The following XKR4 variants were observed in gnomAD, a reference collection of about 807,000 sequenced individuals.
The protein encoded by XKR4 is XK related 4, also known as XK-related protein 4.
A neutral mutation model predicts 53.9 loss-of-function variants in XKR4; 12 were observed. The observed-to-expected ratio is 0.22, with a 90% CI of 0.14 to 0.36. The LOEUF is 0.36. Among genes scored for constraint, XKR4 ranks in the 10% least tolerant of loss-of-function variants. XKR4 has a pLI of 1.00. For missense variants in XKR4, 799 were observed against 859.5 expected (o/e 0.93, Z 0.88); for synonymous variants, 354 against 362.4 (o/e 0.98, Z 0.26).
intron 2 of XKR4, among the ~76,000 whole-genome samples, chr8:55,394,529 G>C (rs1400630030): frequency 6.6e-6 from 1 of 152,114 alleles, no homozygotes; most frequent in Non-Finnish European, 1.5e-5. Context: ...CTGATTCATA[G>C]AACAAATAAT....
chr8:55,109,098 AT>A (rs1364131590), intron 1 of XKR4, among the ~76,000 whole-genome samples: 1 of 152,118 alleles, frequency 6.6e-6, no homozygotes, highest in African/African-American at 2.4e-5. Context: ...ATAGGAAGAG[AT>A]TTTGAATTGA....
chr8:55,249,769 G>C (rs977299189), intron 1 of XKR4, among the ~76,000 whole-genome samples: 2 of 152,160 alleles, frequency 1.3e-5, no homozygotes, highest in African/African-American at 4.8e-5. Flanking sequence ...TCTTATTTAG[G>C]ATTGTCTAGT....
intron 2 of XKR4, among the ~76,000 whole-genome samples, chr8:55,471,465 G>A (rs547141463): frequency 6.6e-6 from 1 of 152,176 alleles, no homozygotes; most frequent in Admixed American, 6.5e-5. Flanking sequence ...TCGGAGTTGG[G>A]GCCCGGCCAT....
Position 55,204,746 on chromosome 8 carries a change from TA to T in XKR4, c.806+101454del, listed in dbSNP as rs560674704. Reference sequence around the variant, plus strand: ...ATTTTGAGCTGGAATTTCAAACATATAACTTCTCATCCCTGAGAATAATTTA... The same window carrying T: ...ATTTTGAGCTGGAATTTCAAACATATACTTCTCATCCCTGAGAATAATTTA... On this transcript the variant is annotated intron_variant, in intron 1 of 2. Transcript: ENST00000327381. Among the ~76,000 whole-genome samples, 389 of 152,360 alleles carry T rather than the reference TA, an allele frequency of 2.6e-3. 3 individuals carry two copies. The highest frequency in any genetic ancestry group is 8.7e-3 in the African/African-American group (363 of 41,578).
At chr8:55,450,035 T>C (rs1247841569) in intron 2 of XKR4, 3 of 784,212 alleles carry the variant, frequency 3.8e-6, no homozygotes, top group Non-Finnish European at 6.7e-6. Flanking sequence ...AGGAGGGAGC[T>C]AGGGGTGCCA....
At chr8:55,470,986 A>ATAAAG (rs1805872806) in intron 2 of XKR4, among the ~76,000 whole-genome samples, 1 of 152,186 alleles carries the variant, frequency 6.6e-6, no homozygotes, top group Non-Finnish European at 1.5e-5. Context: ...GACATTTTAA[A>ATAAAG]TAAAGAAGAA....
At chr8:55,430,900 A>G (rs1805094211) in intron 2 of XKR4, among the ~76,000 whole-genome samples, 2 of 152,200 alleles carry the variant, frequency 1.3e-5, no homozygotes. Context: ...TCAGGCTTCA[A>G]ATAGAGTCAC....
intron 2 of XKR4, among the ~76,000 whole-genome samples, chr8:55,513,489 G>GCCTGAA (rs1387273149): frequency 6.6e-6 from 1 of 152,218 alleles, no homozygotes; most frequent in African/African-American, 2.4e-5. Context: ...CAGAGGACCA[G>GCCTGAA]CCTGAACCTA....
At chr8:55,453,277 G>A (rs1040557646) in intron 2 of XKR4, 3 of 488,360 alleles carry the variant, frequency 6.1e-6, no homozygotes, top group Non-Finnish European at 1.3e-5. Context: ...CCAGAGAAGT[G>A]CAGTCCTGCA....
chr8:55,235,527 TAGTA>T (rs147776487), intron 1 of XKR4, among the ~76,000 whole-genome samples: 10,519 of 152,292 alleles, frequency 0.069, 493 homozygotes, highest in Middle Eastern at 0.15. Context: ...ACTATTGTAT[TAGTA>T]AGTTAAAAGA....
chr8:55,248,927 C>T (rs568625469), intron 1 of XKR4, among the ~76,000 whole-genome samples: 16 of 152,106 alleles, frequency 1.1e-4, no homozygotes, highest in Non-Finnish European at 2.1e-4. Context: ...CTTCTGGGAC[C>T]TTGATTTGGC....
chr8:55,361,287 G>A (rs140292882), intron 2 of XKR4, among the ~76,000 whole-genome samples: 4 of 152,232 alleles, frequency 2.6e-5, no homozygotes, highest in African/African-American at 9.6e-5. Context: ...GACGTTGAGA[G>A]GGGGAGAGGA....
intron 1 of XKR4, among the ~76,000 whole-genome samples, chr8:55,208,742 G>T (rs1817683406): frequency 6.6e-6 from 1 of 152,158 alleles, no homozygotes. Flanking sequence ...TAGGATTACA[G>T]GCATGAGCCA....
chr8:55,276,114 C>A (rs368223445), intron 1 of XKR4, among the ~76,000 whole-genome samples: 2 of 152,204 alleles, frequency 1.3e-5, no homozygotes, highest in Admixed American at 1.3e-4. Context: ...AGACTGAAAT[C>A]GTTATACACA....
chr8:55,211,075 A>C (rs1331108354), intron 1 of XKR4, among the ~76,000 whole-genome samples: 3 of 152,124 alleles, frequency 2.0e-5, no homozygotes, highest in African/African-American at 7.2e-5. Flanking sequence ...CTGTGCCTGC[A>C]ACTTGATTTT....
intron 1 of XKR4, among the ~76,000 whole-genome samples, chr8:55,251,382 T>A (rs4737280): frequency 0.76 from 115,935 of 152,170 alleles, 47,446 homozygotes; most frequent in Non-Finnish European, 0.92. Flanking sequence ...TTTAGAGGAG[T>A]TGCTGAATTT....
Position 55,167,129 on chromosome 8 carries a change from C to G in XKR4, c.806+63835C>G, listed in dbSNP as rs557724200. ...CTGGATGTGGGAAGTGGAAGGAAGA[C>G]AGTTGAATTGGGATGATGCCATGGC... On this transcript the variant is annotated intron_variant, in intron 1 of 2. Coordinates refer to ENST00000327381, the MANE Select transcript of XKR4 (RefSeq NM_052898.2). Among the ~76,000 whole-genome samples the G allele has an allele frequency of 2.0e-5, 3 of 152,266 alleles. No individual in the cohort carries two copies. In the South Asian group the frequency reaches 6.2e-4, roughly 32 times the overall value.
At position 55,488,372 on chromosome 8, in the gene XKR4, C is replaced by T. The variant is rs1034055120; in HGVS notation, c.1007-34909C>T. Among the ~76,000 whole-genome samples the T allele has an allele frequency of 3.3e-5, 5 of 152,170 alleles. No homozygotes were observed. In the East Asian group the frequency reaches 7.7e-4, roughly 23 times the overall value. ...AGTTAGTTAAAAATGTAAACTCCTA[C>T]AAAAATGTGCACACAAATGTTTACA... On this transcript the variant is annotated intron_variant, in intron 2 of 2. Transcript: ENST00000327381.
At chr8:55,378,435 G>A (rs1255701734) in intron 2 of XKR4, among the ~76,000 whole-genome samples, 1 of 152,154 alleles carries the variant, frequency 6.6e-6, no homozygotes, top group Non-Finnish European at 1.5e-5. Context: ...GTGCTTTGGG[G>A]AACATCTGTG....
Sources: allele counts gnomAD v4.1 joint callset (sites outside exome capture counted in the v4.1 genomes callset), GRCh38; gene constraint gnomAD v4.1.1; transcripts MANE v1.5; gene names NCBI Gene and HGNC (gene_info 2026-07-23, HGNC 2026-07-21).